Variants in LEPR observed in about 807,000 individuals in gnomAD.
The protein encoded by LEPR is OB receptor.
In LEPR, 56 loss-of-function variants were observed where a neutral mutation model predicts 114.7. The ratio of observed to expected loss-of-function variants is 0.49; its 90% CI spans 0.39 to 0.61. The LOEUF (loss-of-function observed/expected upper bound fraction) is 0.61, where lower values mean the gene tolerates loss of function less well. LEPR is among the 20% of genes least tolerant of loss of function. LEPR has a pLI of 0.00. For synonymous variants in LEPR, 443 were observed against 461.4 expected (o/e 0.96, Z 0.51); for missense variants, 1,202 against 1,352.9 (o/e 0.89, Z 1.75).
In LEPR at chr1:65,447,750, A is replaced by G. The variant is rs143980752; in HGVS notation, c.-21+22372A>G. ...TATGGGTTTTTGCCATGTTGCCCAG[A>G]CTGGTCTCAAGCTCCTGGGCCCCAA... On this transcript the variant is annotated intron_variant, in intron 2 of 19. Transcript: ENST00000349533. Among the ~76,000 whole-genome samples the G allele has an allele frequency of 2.9e-3, 441 of 151,986 alleles. 2 individuals are homozygous for G. The highest frequency in any genetic ancestry group is 9.7e-3 in the African/African-American group (401 of 41,460).
At chr1:65,474,678 AG>A (rs1647133128) in intron 2 of LEPR, among the ~76,000 whole-genome samples, 1 of 152,132 alleles carries the variant, frequency 6.6e-6, no homozygotes, top group Non-Finnish European at 1.5e-5. Context: ...AGAGGAAGAA[AG>A]TGGATGGAGA....
intron 2 of LEPR, among the ~76,000 whole-genome samples, chr1:65,537,255 A>T (rs1650842134): frequency 1.3e-5 from 2 of 152,148 alleles, no homozygotes; most frequent in African/African-American, 4.8e-5. Context: ...ACTTTATTTA[A>T]TGAAAGGAAC....
chr1:65,497,060 C>T (rs1439214463), intron 2 of LEPR, among the ~76,000 whole-genome samples: 1 of 152,110 alleles, frequency 6.6e-6, no homozygotes. Context: ...CTTGCAATCA[C>T]ATTGCCCCAT....
intron 7 of LEPR, among the ~76,000 whole-genome samples, chr1:65,598,067 C>A (rs928219266): frequency 2.1e-5 from 3 of 142,790 alleles, no homozygotes; most frequent in African/African-American, 8.0e-5. Context: ...GAATTTTGAT[C>A]TCCTAGGCTC....
At chr1:65,583,548 A>G (rs186556882) in intron 5 of LEPR, among the ~76,000 whole-genome samples, 1 of 152,166 alleles carries the variant, frequency 6.6e-6, no homozygotes, top group African/African-American at 2.4e-5. Flanking sequence ...TCAAGGCTAC[A>G]CTATACTATT....
At chr1:65,485,364 T>C (rs1473836508) in intron 2 of LEPR, among the ~76,000 whole-genome samples, 2 of 152,188 alleles carry the variant, frequency 1.3e-5, no homozygotes, top group African/African-American at 2.4e-5. Context: ...TTAATCATTA[T>C]GTGCAGTAGG....
intron 2 of LEPR, among the ~76,000 whole-genome samples, chr1:65,533,974 C>T (rs1359099626): frequency 6.6e-6 from 1 of 152,078 alleles, no homozygotes; most frequent in East Asian, 1.9e-4. Context: ...TATCCTATAT[C>T]ATTTTTCTGT....
intron 2 of LEPR, among the ~76,000 whole-genome samples, chr1:65,477,790 T>C (rs917660176): frequency 4.6e-5 from 7 of 152,250 alleles, no homozygotes; most frequent in African/African-American, 1.7e-4. Context: ...GGCTGTGTCC[T>C]GTTTCCTTTA....
intron 5 of LEPR, among the ~76,000 whole-genome samples, chr1:65,586,617 CT>C (rs879630274): frequency 3.8e-3 from 543 of 143,636 alleles, no homozygotes; most frequent in African/African-American, 7.3e-3. Flanking sequence ...ATGAAACAGT[CT>C]TTTTTTTTTT....
At chr1:65,422,253 A>C (rs956479172) in intron 1 of LEPR, among the ~76,000 whole-genome samples, 1 of 152,232 alleles carries the variant, frequency 6.6e-6, no homozygotes, top group Non-Finnish European at 1.5e-5. Flanking sequence ...TTAGACATAG[A>C]GACATACAGG....
chr1:65,557,360 C>A (rs533239163), intron 2 of LEPR, among the ~76,000 whole-genome samples: 6 of 152,158 alleles, frequency 3.9e-5, no homozygotes, highest in Middle Eastern at 3.4e-3. Flanking sequence ...TTTTGGTCAT[C>A]CTATCTTTAA....
intron 3 of LEPR, among the ~76,000 whole-genome samples, chr1:65,565,856 C>CA (rs1322663866): frequency 6.6e-6 from 1 of 151,800 alleles, no homozygotes; most frequent in Non-Finnish European, 1.5e-5. Context: ...CACACACACA[C>CA]ACACACAGAC....
intron 2 of LEPR, among the ~76,000 whole-genome samples, chr1:65,426,218 A>T (rs9436740): frequency 0.32 from 47,093 of 145,502 alleles, 7,875 homozygotes; most frequent in African/African-American, 0.47. Flanking sequence ...AGGAAAGCTG[A>T]ATGCTAAGGC....
intron 6 of LEPR, among the ~76,000 whole-genome samples, chr1:65,594,693 G>T (rs922976453): frequency 1.3e-5 from 2 of 151,960 alleles, no homozygotes; most frequent in Admixed American, 6.6e-5. Context: ...GTTTAGGGGA[G>T]ATATATATAT....
chr1:65,430,837 T>C (rs1193423819), intron 2 of LEPR, among the ~76,000 whole-genome samples: 1 of 152,060 alleles, frequency 6.6e-6, no homozygotes, highest in African/African-American at 2.4e-5. Flanking sequence ...GGTTGAAGCA[T>C]GATCAGAATG....
At chr1:65,555,579 T>C (rs886896908) in intron 2 of LEPR, among the ~76,000 whole-genome samples, 5 of 152,208 alleles carry the variant, frequency 3.3e-5, no homozygotes. Context: ...TGTACATTTT[T>C]CAATTAGTTT....
At chr1:65,524,757 T>A (rs1649815977) in intron 2 of LEPR, among the ~76,000 whole-genome samples, 1 of 152,192 alleles carries the variant, frequency 6.6e-6, no homozygotes, top group Non-Finnish European at 1.5e-5. Context: ...TTCTTCCATA[T>A]CACCCAGCGC....
At chr1:65,476,652 T>G (rs1647163321) in intron 2 of LEPR, among the ~76,000 whole-genome samples, 1 of 152,208 alleles carries the variant, frequency 6.6e-6, no homozygotes, top group Non-Finnish European at 1.5e-5. Flanking sequence ...ATAATAACAC[T>G]GATGGCAGCT....
At chr1:65,525,678 A>G (rs1557640175) in intron 2 of LEPR, 1 of 985,354 alleles carries the variant, frequency 1.0e-6, no homozygotes, top group Non-Finnish European at 1.2e-6. Context: ...CTCTCCTGAG[A>G]GTTGCCCCGC....
Sources: gnomAD v4.1 joint callset for allele counts (sites outside exome capture counted in the v4.1 genomes callset) on GRCh38, gnomAD v4.1.1 for gene constraint, MANE v1.5 for transcripts, NCBI Gene and HGNC (gene_info 2026-07-23, HGNC 2026-07-21) for gene names.